PPP1R12A: variants seen among roughly 807,000 people sequenced by gnomAD.
PPP1R12A encodes myosin binding subunit.
A neutral mutation model predicts 139.6 loss-of-function variants in PPP1R12A; 19 were observed. The observed-to-expected ratio is 0.14, with a 90% CI of 0.09 to 0.20. The LOEUF (loss-of-function observed/expected upper bound fraction) is 0.20. Ranked by LOEUF, PPP1R12A falls within the 10% of genes least tolerant of loss-of-function variation. The pLI, the probability that PPP1R12A is intolerant of heterozygous loss-of-function variation, is 1.00. For synonymous variants in PPP1R12A, 427 were observed against 420.6 expected (o/e 1.02, Z -0.19); for missense variants, 925 against 1,211.5 (o/e 0.76, Z 3.51).
At position 79,805,582 on chromosome 12, in the gene PPP1R12A, C is replaced by T. The variant is rs772977228; in HGVS notation, c.2000+10G>A. The T allele has an allele frequency of 6.9e-5, 112 of 1,612,844 alleles. No individual in the cohort carries two copies. The highest frequency in any genetic ancestry group is 9.2e-5 in the Non-Finnish European group (108 of 1,179,344). On this transcript the variant is annotated intron_variant, in intron 14 of 24. Coordinates refer to ENST00000450142, the MANE Select transcript of PPP1R12A (RefSeq NM_002480.3). ...GATATATCAGCAGTACTGTTATGAC[C>T]TTTACACACCTGCGTCTCTCCCTGA...
At chr12:79,928,475 T>C (rs1033218045) in intron 1 of PPP1R12A, among the ~76,000 whole-genome samples, 2 of 152,218 alleles carry the variant, frequency 1.3e-5, no homozygotes, top group African/African-American at 2.4e-5. Context: ...TTTTTAAAAA[T>C]GGATTTAGGA....
chr12:79,883,210 T>A (rs951215805), intron 1 of PPP1R12A, among the ~76,000 whole-genome samples: 3 of 152,196 alleles, frequency 2.0e-5, no homozygotes, highest in African/African-American at 4.8e-5. Context: ...AAGGCTCATA[T>A]AATCACTAGC....
At chr12:79,778,970 G>A (rs1870081197) in intron 23 of PPP1R12A, 2 of 234,268 alleles carry the variant, frequency 8.5e-6, no homozygotes, top group Non-Finnish European at 8.7e-6. Flanking sequence ...GACAGAAGCA[G>A]AAAAGCAAGA....
At position 79,793,843 on chromosome 12, in the gene PPP1R12A, CA is replaced by C; in HGVS notation, c.2649+19del. 2.0e-6 allele frequency: 3 copies of C among 1,531,276 alleles called. No individual in the cohort carries two copies. The highest frequency in any genetic ancestry group is 2.7e-6 in the Non-Finnish European group (3 of 1,123,914). 94.9% of individuals were successfully genotyped at this position (1,531,276 alleles called of 1,614,324 possible). A position where few individuals can be genotyped will look rare whatever the true frequency, so the allele number is the denominator to read the frequency against. On this transcript the variant is annotated intron_variant, in intron 19 of 24. Coordinates refer to ENST00000450142, the MANE Select transcript of PPP1R12A (RefSeq NM_002480.3). ...TAAAAAATATGAATACTTCTCAATA[CA>C]AAAAGTAATGGTATTTACCTGAGTT...
intron 14 of PPP1R12A, among the ~76,000 whole-genome samples, chr12:79,803,209 T>G (rs905638541): frequency 3.3e-5 from 5 of 152,248 alleles, no homozygotes; most frequent in Non-Finnish European, 7.3e-5. Context: ...ATTTCCTTTA[T>G]TTGATAATTA....
At chr12:79,798,428 A>AGT (rs147100546) in intron 15 of PPP1R12A, 66 bp downstream of exon 15, 1 of 1,008,322 alleles carries the variant, frequency 9.9e-7, no homozygotes, top group Non-Finnish European at 1.4e-6. Context: ...GTTTTATGTC[A>AGT]GTGTGTGTAT....
chr12:79,891,196 A>C (rs1278472586), intron 1 of PPP1R12A, among the ~76,000 whole-genome samples: 1 of 152,184 alleles, frequency 6.6e-6, no homozygotes, highest in African/African-American at 2.4e-5. Flanking sequence ...AATGAAGTTA[A>C]GAATATATAA....
chr12:79,914,075 T>C (rs1343970876), intron 1 of PPP1R12A, among the ~76,000 whole-genome samples: 1 of 152,176 alleles, frequency 6.6e-6, no homozygotes, highest in Non-Finnish European at 1.5e-5. Flanking sequence ...ATAAGCATAA[T>C]ATTTATGTTG....
At chr12:79,819,625 G>A (rs1477678351) in intron 8 of PPP1R12A, among the ~76,000 whole-genome samples, 3 of 152,114 alleles carry the variant, frequency 2.0e-5, no homozygotes, top group African/African-American at 7.2e-5. Flanking sequence ...CTCCCAGGGA[G>A]GAGATTAACT....
intron 2 of PPP1R12A, among the ~76,000 whole-genome samples, chr12:79,869,097 T>C (rs2137317877): frequency 1.3e-5 from 2 of 152,284 alleles, no homozygotes; most frequent in East Asian, 3.9e-4. Context: ...CAACCTCTAT[T>C]TTTAGTTTAC....
At chr12:79,904,631 C>G (rs991752059) in intron 1 of PPP1R12A, among the ~76,000 whole-genome samples, 2 of 152,126 alleles carry the variant, frequency 1.3e-5, no homozygotes, top group Non-Finnish European at 2.9e-5. Flanking sequence ...AAGTTCTTCC[C>G]TCTACATTTT....
intron 1 of PPP1R12A, among the ~76,000 whole-genome samples, chr12:79,932,986 TGTAAA>T (rs1888359832): frequency 6.6e-6 from 1 of 152,200 alleles, no homozygotes; most frequent in Non-Finnish European, 1.5e-5. Flanking sequence ...CACTAAAACG[TGTAAA>T]GTACACTTGA....
intron 1 of PPP1R12A, among the ~76,000 whole-genome samples, chr12:79,908,753 A>T (rs1363367844): frequency 1.3e-5 from 2 of 152,220 alleles, no homozygotes; most frequent in Non-Finnish European, 2.9e-5. Context: ...TTTAGTCATT[A>T]TATGTTAACA....
chr12:79,912,682 A>G (rs982179446), intron 1 of PPP1R12A, among the ~76,000 whole-genome samples: 1 of 151,796 alleles, frequency 6.6e-6, no homozygotes, highest in Non-Finnish European at 1.5e-5. Flanking sequence ...TGACAGAGGA[A>G]AGCCTGATTT....
intron 8 of PPP1R12A, among the ~76,000 whole-genome samples, 196 bp downstream of exon 8, chr12:79,820,578 C>T (rs1158790083): frequency 6.6e-6 from 1 of 152,064 alleles, no homozygotes; most frequent in East Asian, 1.9e-4. Context: ...TGAACAACAG[C>T]CTCCAGATAA....
chr12:79,842,583 G>A (rs1000117424), intron 3 of PPP1R12A, among the ~76,000 whole-genome samples: 13 of 119,870 alleles, frequency 1.1e-4, no homozygotes, highest in Admixed American at 4.5e-4. Context: ...CTTTGTGTGT[G>A]TGTGTGTGTG....
Position 79,775,896 on chromosome 12 carries a change from G to C in PPP1R12A, c.*33C>G, listed in dbSNP as rs1373610943. Reference sequence around the variant, plus strand: ...TTATGGTCCACTGGGTTACTAATATGTGCAATTCCATTACTTGCTGCTTTT... The same window carrying C: ...TTATGGTCCACTGGGTTACTAATATCTGCAATTCCATTACTTGCTGCTTTT... On this transcript the variant is annotated 3_prime_UTR_variant, in exon 25 of 25. Transcript: ENST00000450142. The C allele has an allele frequency of 6.9e-7, 1 of 1,450,908 alleles. No individual in the cohort carries two copies. Among genetic ancestry groups the C allele is most frequent in the Non-Finnish European group, 9.4e-7 (1 of 1,066,368 alleles). The allele number at this position is 1,450,908 out of a possible 1,614,324, so 89.9% of individuals were successfully genotyped here.
chr12:79,793,235 G>A (rs368004447), intron 19 of PPP1R12A, among the ~76,000 whole-genome samples: 4 of 152,092 alleles, frequency 2.6e-5, no homozygotes, highest in East Asian at 3.9e-4. Context: ...AAGGGGGTCG[G>A]GGGAACTTTC....
Position 79,845,283 on chromosome 12 carries a change from A to T in PPP1R12A, c.487+19T>A. 6.5e-7 allele frequency: 1 copy of T among 1,541,188 alleles called. No homozygotes were observed. Among genetic ancestry groups the T allele is most frequent in the Non-Finnish European group, 8.9e-7 (1 of 1,119,704 alleles). ...TTCTTTCTAAAACATTTTTCCATTTAGGTTGCTTTTTATTTTACCTTGCCG... is the reference window on the plus strand; with the variant it reads ...TTCTTTCTAAAACATTTTTCCATTTTGGTTGCTTTTTATTTTACCTTGCCG... On this transcript the variant is annotated intron_variant, in intron 3 of 24. Transcript: ENST00000450142.
Sources: allele counts gnomAD v4.1 joint callset (sites outside exome capture counted in the v4.1 genomes callset), GRCh38; gene constraint gnomAD v4.1.1; transcripts MANE v1.5; gene names NCBI Gene and HGNC (gene_info 2026-07-23, HGNC 2026-07-21).